WDR70: variants seen among roughly 807,000 people sequenced by gnomAD.
WDR70 encodes the protein WD repeat domain 70.
In WDR70, 53 loss-of-function variants were observed where a neutral mutation model predicts 88.6. The observed-to-expected ratio is 0.60, with a 90% confidence interval of 0.48 to 0.75. The LOEUF (loss-of-function observed/expected upper bound fraction) is 0.75, where lower values mean the gene tolerates loss of function less well. Among genes scored for constraint, WDR70 ranks in the 30% least tolerant of loss-of-function variants. The probability of loss-of-function intolerance (pLI) is 0.00; values close to 1 mark genes in which losing one functional copy is unlikely to be tolerated. For missense variants in WDR70, 610 were observed against 823.2 expected, an observed-to-expected ratio of 0.74 and a Z score of 3.17; for synonymous variants, 280 against 270.0, an observed-to-expected ratio of 1.04 and a Z score of -0.36.
At chr5:37,499,100 C>T (rs1740316938) in intron 8 of WDR70, among the ~76,000 whole-genome samples, 1 of 151,266 alleles carries the variant, frequency 6.6e-6, no homozygotes, top group South Asian at 2.1e-4. Flanking sequence ...TGTTGAGCAT[C>T]TTTTCATGTT....
chr5:37,643,231 T>C (rs900726405), intron 10 of WDR70, among the ~76,000 whole-genome samples: 3 of 152,160 alleles, frequency 2.0e-5, no homozygotes, highest in Non-Finnish European at 2.9e-5. Context: ...CACCATTTAT[T>C]GAAGAGACTA....
intron 8 of WDR70, among the ~76,000 whole-genome samples, chr5:37,489,228 A>T (rs1044206308): frequency 3.9e-5 from 6 of 152,200 alleles, no homozygotes; most frequent in East Asian, 1.9e-4. Flanking sequence ...CGCACAGTAT[A>T]TGAGCACTGG....
At chr5:37,557,957 A>AC in intron 9 of WDR70, among the ~76,000 whole-genome samples, 53 of 139,134 alleles carry the variant, frequency 3.8e-4, no homozygotes, top group South Asian at 4.7e-4. Context: ...TCAAAAGAGT[A>AC]TTATGTATAT....
intron 9 of WDR70, among the ~76,000 whole-genome samples, chr5:37,534,678 A>T (rs576839329): frequency 6.6e-6 from 1 of 151,978 alleles, no homozygotes; most frequent in East Asian, 1.9e-4. Flanking sequence ...TTGTATTTTT[A>T]GTAGAGTCTA....
intron 10 of WDR70, among the ~76,000 whole-genome samples, chr5:37,644,732 A>G (rs909803861): frequency 1.3e-5 from 2 of 151,944 alleles, no homozygotes; most frequent in East Asian, 1.9e-4. Context: ...GAATTTATCC[A>G]TTTCTTCTAG....
intron 10 of WDR70, among the ~76,000 whole-genome samples, chr5:37,636,157 A>G (rs1465145938): frequency 6.6e-6 from 1 of 152,200 alleles, no homozygotes. Context: ...TTTGTTTAAC[A>G]AAACAATGGG....
At chr5:37,745,905 C>T (rs1304496640) in intron 17 of WDR70, among the ~76,000 whole-genome samples, 3 of 152,160 alleles carry the variant, frequency 2.0e-5, no homozygotes, top group Non-Finnish European at 4.4e-5. Flanking sequence ...GACTTGAACT[C>T]AGCTCTCGAT....
chr5:37,477,954 G>T (rs1581318293), intron 7 of WDR70, among the ~76,000 whole-genome samples: 1 of 152,254 alleles, frequency 6.6e-6, no homozygotes, highest in East Asian at 1.9e-4. Flanking sequence ...ATTAATAATA[G>T]CCTTGATTCA....
chr5:37,709,849 A>C (rs929181069), intron 13 of WDR70, among the ~76,000 whole-genome samples: 3 of 151,670 alleles, frequency 2.0e-5, no homozygotes, highest in African/African-American at 7.3e-5. Context: ...GAAAAACTTA[A>C]ATCTTTTTGG....
intron 9 of WDR70, among the ~76,000 whole-genome samples, chr5:37,596,519 C>T (rs1743705524): frequency 6.6e-6 from 1 of 152,114 alleles, no homozygotes; most frequent in African/African-American, 2.4e-5. Flanking sequence ...AGACCCTTTT[C>T]ACTCCTTCCT....
At chr5:37,680,767 C>T (rs1746405121) in intron 10 of WDR70, among the ~76,000 whole-genome samples, 5 of 152,044 alleles carry the variant, frequency 3.3e-5, no homozygotes, top group Admixed American at 3.3e-4. Context: ...CGTGTCTGTT[C>T]TTGTACCAGT....
At chr5:37,516,299 G>A (rs1282703115) in intron 8 of WDR70, among the ~76,000 whole-genome samples, 1 of 152,078 alleles carries the variant, frequency 6.6e-6, no homozygotes, top group Non-Finnish European at 1.5e-5. Context: ...AATTCCTGAG[G>A]TGGGCACAGG....
chr5:37,741,236 CTTTTTTT>C (rs5867363), intron 17 of WDR70, among the ~76,000 whole-genome samples: 2 of 138,464 alleles, frequency 1.4e-5, no homozygotes, highest in African/African-American at 5.4e-5. Flanking sequence ...GAGCCTAGTT[CTTTTTTT>C]TTTTTTTTTT....
intron 9 of WDR70, among the ~76,000 whole-genome samples, chr5:37,558,972 C>T (rs757035551): frequency 6.6e-6 from 1 of 151,298 alleles, no homozygotes; most frequent in Non-Finnish European, 1.5e-5. Flanking sequence ...AGCTCCGTCG[C>T]CTGGGCTGGA....
chr5:37,461,105 C>CAAA lies in WDR70; in HGVS notation c.686+17751_686+17753dup, dbSNP rs10547667. Among the ~76,000 whole-genome samples, 124 of 62,292 alleles carry CAAA rather than the reference C, an allele frequency of 2.0e-3. 1 individual carries two copies. The highest frequency in any genetic ancestry group is 6.2e-3 in the African/African-American group (118 of 19,158). The allele number at this position is 62,292 out of a possible 152,430, so 40.9% of individuals were successfully genotyped here. A position where few individuals can be genotyped will look rare whatever the true frequency, so the allele number is the denominator to read the frequency against. On this transcript the variant is annotated intron_variant, in intron 7 of 17. Transcript: ENST00000265107. ...AATGGCAAATAAATATTTCTAACCT[C>CAAA]AAAAAAAAAAAAAAAAAAAATAAAG...
At chr5:37,627,866 T>C (rs1744710975) in intron 10 of WDR70, among the ~76,000 whole-genome samples, 1 of 152,176 alleles carries the variant, frequency 6.6e-6, no homozygotes, top group African/African-American at 2.4e-5. Context: ...GAGTGTTCCA[T>C]GTGCTGCTGA....
chr5:37,379,874 G>T (rs1748371133), intron 2 of WDR70, among the ~76,000 whole-genome samples: 1 of 152,142 alleles, frequency 6.6e-6, no homozygotes. Context: ...ATTCGGTAGG[G>T]TAGATTTCTA....
chr5:37,516,319 A>G (rs1740881630), intron 8 of WDR70, among the ~76,000 whole-genome samples, 195 bp from the exon 9 acceptor site: 1 of 152,206 alleles, frequency 6.6e-6, no homozygotes, highest in Non-Finnish European at 1.5e-5. Flanking sequence ...GGTGGTACAC[A>G]AAGAGTTAAA....
At chr5:37,536,978 C>A (rs1240969757) in intron 9 of WDR70, among the ~76,000 whole-genome samples, 4 of 152,110 alleles carry the variant, frequency 2.6e-5, no homozygotes, top group African/African-American at 9.7e-5. Context: ...CCAAGTTCCC[C>A]ATTTCTCCAG....
Sources: gnomAD v4.1 joint callset for allele counts (sites outside exome capture counted in the v4.1 genomes callset) on GRCh38, gnomAD v4.1.1 for gene constraint, MANE v1.5 for transcripts, NCBI Gene and HGNC (gene_info 2026-07-23, HGNC 2026-07-21) for gene names.